The following PCK2 variants were observed in gnomAD, a reference collection of about 807,000 sequenced individuals.
The protein encoded by PCK2 is phosphoenolpyruvate carboxykinase 2, mitochondrial, also known as phosphoenolpyruvate carboxykinase [GTP], mitochondrial.
Under a neutral mutation model 65.9 loss-of-function variants are expected in PCK2, and 56 were observed. That is an observed-to-expected ratio of 0.85 (90% CI 0.69 to 1.06). The LOEUF (loss-of-function observed/expected upper bound fraction) is 1.06. PCK2 is among the 50% of genes least tolerant of loss of function. The pLI, the probability that PCK2 is intolerant of heterozygous loss-of-function variation, is 0.00. For missense variants in PCK2, 843 were observed against 863.1 expected, an observed-to-expected ratio of 0.98 and a Z score of 0.29; for synonymous variants, 305 against 319.6, an observed-to-expected ratio of 0.95 and a Z score of 0.49.
chr14:24,094,556 C>G lies in PCK2; in HGVS notation c.29+122C>G. ...GTTTCCCATCCTAGGCGGAGGCGGG[C>G]AGGGGCGACTGCTGTGGGTCCAGCC... On this transcript the variant is annotated intron_variant, in intron 1 of 9. Transcript: ENST00000216780. The surrounding 1 kb of genome is among the most constrained non-coding windows in gnomAD (Gnocchi z 4.1). 6.9e-7 allele frequency: 1 copy of G among 1,441,128 alleles called. No homozygotes were observed. The highest frequency in any genetic ancestry group is 9.1e-7 in the Non-Finnish European group (1 of 1,101,654). The allele number at this position is 1,441,128 out of a possible 1,614,324, so 89.3% of individuals were successfully genotyped here.
chr14:24,098,620 G>A lies in PCK2; in HGVS notation c.606G>A (p.Leu202=), dbSNP rs771882629. 2.7e-5 allele frequency: 44 copies of A among 1,613,910 alleles called. No individual in the cohort carries two copies. The highest frequency in any genetic ancestry group is 3.1e-5 in the Non-Finnish European group (37 of 1,180,020). Residue 202 remains leucine, a synonymous_variant, in exon 4 of 10, where the codon CTG becomes CTA. Coordinates refer to ENST00000216780, the MANE Select transcript of PCK2 (RefSeq NM_004563.4). ...TGGGGACACCTGTGCTTCAGGCCCT[G>A]GGAGATGGTGACTTTGTCAAGTGTC... The part of the protein sequence containing the change: ...TRLGTPVLQA[L]GDGDFVKCLH...
chr14:24,099,512 G>A (rs1196963582), intron 5 of PCK2, 46 bp from the exon 6 acceptor site: 1 of 1,534,824 alleles, frequency 6.5e-7, no homozygotes, highest in Non-Finnish European at 8.8e-7. Flanking sequence ...ACCATGCCCT[G>A]ACTTTTGGTG....
Position 24,103,877 on chromosome 14 carries a change from C to A in PCK2, c.1836C>A (p.Ser612Arg). The A allele has an allele frequency of 6.2e-7, 1 of 1,614,128 alleles. No individual in the cohort carries two copies. Among genetic ancestry groups the A allele is most frequent in the Non-Finnish European group, 8.5e-7 (1 of 1,180,002 alleles). Residue 612 changes from serine to arginine, a missense_variant, in exon 10 of 10, where the codon AGC becomes AGA. Coordinates refer to ENST00000216780, the MANE Select transcript of PCK2 (RefSeq NM_004563.4). ...FWEQEVRDIRSYLTEQVNQDL... is the reference protein window; with the variant it reads ...FWEQEVRDIRRYLTEQVNQDL... ...AACAGGAGGTTCGTGACATTCGGAG[C>A]TACCTGACAGAGCAGGTCAACCAGG...
At position 24,099,983 on chromosome 14, in the gene PCK2, T is replaced by C; in HGVS notation, c.1016-12T>C. On this transcript the variant is annotated splice_polypyrimidine_tract_variant and intron_variant, in intron 6 of 9. Transcript: ENST00000216780. ...TTGTTTGGTCCTTCCTTTCTTTCACTTCTCCTAACAGGTCGACTCCGGGCC... is the reference window on the plus strand; with the variant it reads ...TTGTTTGGTCCTTCCTTTCTTTCACCTCTCCTAACAGGTCGACTCCGGGCC... 6.2e-7 allele frequency: 1 copy of C among 1,614,216 alleles called. No individual in the cohort carries two copies. The highest frequency in any genetic ancestry group is 8.5e-7 in the Non-Finnish European group (1 of 1,180,034).
chr14:24,099,413 T>C, intron 5 of PCK2, 145 bp from the exon 6 acceptor site: 1 of 1,003,088 alleles, frequency 1.0e-6, no homozygotes, highest in Non-Finnish European at 1.4e-6. Flanking sequence ...CCCCTGCCAC[T>C]AACCCAGGCC....
In PCK2 at chr14:24,102,810, G is replaced by A; in HGVS notation, c.1292G>A (p.Cys431Tyr). 1.2e-6 allele frequency: 2 copies of A among 1,613,842 alleles called. No homozygotes were observed. Among genetic ancestry groups the A allele is most frequent in the Non-Finnish European group, 1.7e-6 (2 of 1,179,740 alleles). Residue 431 changes from cysteine (C) to tyrosine (Y), a missense_variant, in exon 8 of 10, where the codon TGC (cysteine) becomes TAC (tyrosine). Cys to Tyr is a radical substitution (Grantham distance 194, BLOSUM62 -2). Transcript: ENST00000216780. ...NSRFCAPARQ[C>Y]PIMDPAWEAP... is the part of the protein sequence containing the mutation. ...CGATTTTGTGCCCCGGCTCGCCAGTGCCCCATCATGGACCCAGCCTGGGAG... is the reference window on the plus strand; with the variant it reads ...CGATTTTGTGCCCCGGCTCGCCAGTACCCCATCATGGACCCAGCCTGGGAG...
In PCK2 at chr14:24,099,833, C is replaced by T. The variant is rs767963201; in HGVS notation, c.1015+113C>T. On this transcript the variant is annotated intron_variant, in intron 6 of 9. Transcript: ENST00000216780. Reference sequence around the variant, plus strand: ...TGAGAAAGTTTCCTGAACACCCAACCCTGCTCCATTCCTCTGGCAGCCCAG... The same window carrying T: ...TGAGAAAGTTTCCTGAACACCCAACTCTGCTCCATTCCTCTGGCAGCCCAG... 12 of 1,508,132 alleles carry T rather than the reference C, an allele frequency of 8.0e-6. No individual in the cohort carries two copies. The South Asian group carries it at 1.2e-4, about 16-fold the overall frequency. The allele number at this position is 1,508,132 out of a possible 1,614,324, so 93.4% of individuals were successfully genotyped here.
upstream of PCK2, chr14:24,094,240 T>C (rs1351629435): frequency 1.5e-6 from 1 of 652,122 alleles, no homozygotes; most frequent in East Asian, 3.2e-5. The surrounding 1 kb of genome is among the most constrained non-coding windows in gnomAD (Gnocchi z 4.1). Flanking sequence ...GGAAAGCTAG[T>C]GCCAGCCCTA....
At chr14:24,096,027 TGACCTTTGCTTG>T in intron 1 of PCK2, among the ~76,000 whole-genome samples, 1 of 152,150 alleles carries the variant, frequency 6.6e-6, no homozygotes, top group Non-Finnish European at 1.5e-5. Context: ...GGAAAGACTG[TGACCTTTGCTTG>T]GGGCTTTCAT....
In PCK2 at chr14:24,103,610, G is replaced by A. The variant is rs2037258362; in HGVS notation, c.1569G>A (p.Gly523=). Residue 523 remains glycine, a synonymous_variant, in exon 10 of 10, where the codon GGG becomes GGA. Coordinates refer to ENST00000216780, the MANE Select transcript of PCK2 (RefSeq NM_004563.4). ...EHWLSMEGRK[G]AQLPRIFHVN... is the part of the protein sequence containing the mutation. ...GGCTGAGCATGGAAGGGCGCAAGGG[G>A]GCCCAGCTGCCCCGTATCTTCCATG... 6.2e-7 allele frequency: 1 copy of A among 1,613,320 alleles called. No individual in the cohort carries two copies. Among genetic ancestry groups the A allele is most frequent in the South Asian group, 1.1e-5 (1 of 91,002 alleles).
chr14:24,096,024 C>T (rs1566572838), intron 1 of PCK2, among the ~76,000 whole-genome samples: 1 of 152,166 alleles, frequency 6.6e-6, no homozygotes, highest in Non-Finnish European at 1.5e-5. Flanking sequence ...ACTGGAAAGA[C>T]TGTGACCTTT....
At chr14:24,100,918 A>T (rs944077890) in intron 7 of PCK2, among the ~76,000 whole-genome samples, 1 of 152,002 alleles carries the variant, frequency 6.6e-6, no homozygotes, top group Non-Finnish European at 1.5e-5. Flanking sequence ...TCAGCCCTGC[A>T]CTCTGGACCT....
chr14:24,102,993 T>G, intron 8 of PCK2, 103 bp downstream of exon 8: 1 of 1,320,562 alleles, frequency 7.6e-7, no homozygotes, highest in South Asian at 1.3e-5. Flanking sequence ...ATCTCACCTT[T>G]CTCCAGAGTT....
intron 7 of PCK2, 190 bp downstream of exon 7, chr14:24,100,403 AT>A (rs1165952600): frequency 1.5e-6 from 2 of 1,311,326 alleles, no homozygotes; most frequent in African/African-American, 3.0e-5. Context: ...TGGTTTTGTG[AT>A]CTGGCTAAGT....
chr14:24,103,729 A>C lies in PCK2; in HGVS notation c.1688A>C (p.Glu563Ala), dbSNP rs779776212. The change falls in exon 10 of 10, where the codon GAG becomes GCG. Residue 563 changes from glutamate to alanine, a missense_variant. Glu to Ala is a moderately radical substitution (Grantham distance 107). Transcript: ENST00000216780. ...RVLDWICRRL[E>A]GEDSARETPI... ...CTAGACTGGATCTGCCGGCGGTTAG[A>C]GGGGGAGGACAGTGCCCGAGAGACA... 6.2e-7 allele frequency: 1 copy of C among 1,613,966 alleles called. No homozygotes were observed. The highest frequency in any genetic ancestry group is 1.7e-5 in the Admixed American group (1 of 60,020).
intron 7 of PCK2, among the ~76,000 whole-genome samples, chr14:24,102,278 G>A (rs2037192581): frequency 6.6e-6 from 1 of 152,200 alleles, no homozygotes; most frequent in Admixed American, 6.5e-5. Context: ...TAACTTAGGA[G>A]AACCTGTCTT....
chr14:24,094,599 CT>C lies in PCK2; in HGVS notation c.29+167del. ...GTCCAGCCTCCCGCGCCGCGCGTCT[CT>C]TGGGAGGGCAGCCGGCCGGTGCTCC... On this transcript the variant is annotated intron_variant, in intron 1 of 9. Transcript: ENST00000216780. The surrounding 1 kb of genome is among the most constrained non-coding windows in gnomAD (Gnocchi z 4.1). The C allele has an allele frequency of 6.8e-7, 1 of 1,461,300 alleles. No individual in the cohort carries two copies. The highest frequency in any genetic ancestry group is 1.4e-5 in the South Asian group (1 of 71,288). The allele number at this position is 1,461,300 out of a possible 1,614,324, so 90.5% of individuals were successfully genotyped here. A position where few individuals can be genotyped will look rare whatever the true frequency, so the allele number is the denominator to read the frequency against.
upstream of PCK2, chr14:24,094,259 C>T (rs913673337): frequency 2.4e-5 from 18 of 745,672 alleles, no homozygotes; most frequent in Admixed American, 1.1e-4. This position sits in a 1 kb window ranked among gnomAD's most constrained non-coding sequence, Gnocchi z 4.1. Context: ...TACCAGGTTC[C>T]GCCCCCGCGC....
At chr14:24,094,195 C>CG (rs1183933226), upstream of PCK2, 2 of 565,114 alleles carry the variant, frequency 3.5e-6, no homozygotes, top group East Asian at 3.4e-5. This position sits in a 1 kb window ranked among gnomAD's most constrained non-coding sequence, Gnocchi z 4.1. Context: ...CCTGGAGCCC[C>CG]GGGGCCGAGG....
Sources: allele counts gnomAD v4.1 joint callset (sites outside exome capture counted in the v4.1 genomes callset), GRCh38; gene constraint gnomAD v4.1.1; non-coding constraint Gnocchi (gnomAD v3.1); transcripts MANE v1.5; gene names NCBI Gene and HGNC (gene_info 2026-07-23, HGNC 2026-07-21).